PDE11A: variants seen among roughly 807,000 people sequenced by gnomAD.
PDE11A encodes the protein phosphodiesterase 11A, also known as dual 3',5'-cyclic-AMP and -GMP phosphodiesterase 11A.
PDE11A carries 100 observed loss-of-function variants against 100.5 expected under a neutral mutation model. The observed-to-expected ratio is 1.00, with a 90% CI of 0.85 to 1.18. PDE11A has a LOEUF of 1.18. Ranked by LOEUF, PDE11A falls within the 50% of genes most tolerant of loss-of-function variation. PDE11A has a pLI of 0.00. For missense variants in PDE11A, 1,141 were observed against 1,152.6 expected (o/e 0.99, Z 0.15); for synonymous variants, 381 against 420.8 (o/e 0.91, Z 1.16).
At position 178,048,520 on chromosome 2, in the gene PDE11A, G is replaced by A. The variant is rs111779246; in HGVS notation, c.912+23006C>T. ...TCCTTGGTCCTCCTCAGAAAGGTAG[G>A]GTGAGTTATCTGATGAGGGAATTAG... On this transcript the variant is annotated intron_variant, in intron 1 of 19. Coordinates refer to ENST00000286063, the MANE Select transcript of PDE11A (RefSeq NM_016953.4). 1.1e-3 allele frequency among the ~76,000 whole-genome samples: 164 copies of A among 152,174 alleles called. 2 individuals carry two copies. The highest frequency in any genetic ancestry group is 3.6e-3 in the African/African-American group (151 of 41,522).
chr2:178,049,468 G>A (rs1368711243), intron 1 of PDE11A, among the ~76,000 whole-genome samples: 19 of 152,190 alleles, frequency 1.2e-4, no homozygotes, highest in South Asian at 2.1e-4. Context: ...CTGAGGTACC[G>A]GGTTCATCTC....
At chr2:177,843,537 CACTT>C (rs949314514) in intron 5 of PDE11A, among the ~76,000 whole-genome samples, 4 of 152,172 alleles carry the variant, frequency 2.6e-5, no homozygotes, top group Non-Finnish European at 5.9e-5. Flanking sequence ...ATGACAAAAA[CACTT>C]ACTGAGCAGG....
At chr2:177,676,748 C>T (rs2080782035) in intron 16 of PDE11A, among the ~76,000 whole-genome samples, 1 of 152,232 alleles carries the variant, frequency 6.6e-6, no homozygotes, top group Admixed American at 6.5e-5. Flanking sequence ...GGCATTTCTA[C>T]ACTGCTTACT....
intron 19 of PDE11A, among the ~76,000 whole-genome samples, chr2:177,642,508 C>T (rs780712512): frequency 1.3e-5 from 2 of 152,322 alleles, no homozygotes; most frequent in Non-Finnish European, 2.9e-5. Context: ...TGTTTAAGGA[C>T]ATGGTCATTT....
intron 9 of PDE11A, among the ~76,000 whole-genome samples, chr2:177,804,160 G>C (rs1314955989): frequency 1.3e-5 from 2 of 151,688 alleles, no homozygotes; most frequent in African/African-American, 4.8e-5. Context: ...AATCAACAAA[G>C]TAAACAAACA....
At chr2:177,989,509 G>A (rs762406766) in intron 2 of PDE11A, among the ~76,000 whole-genome samples, 9 of 152,186 alleles carry the variant, frequency 5.9e-5, no homozygotes, top group Non-Finnish European at 1.2e-4. Flanking sequence ...ACACAGTGGG[G>A]AAATGACTCC....
At chr2:178,041,820 G>A (rs368779355) in intron 1 of PDE11A, among the ~76,000 whole-genome samples, 7 of 152,098 alleles carry the variant, frequency 4.6e-5, no homozygotes, top group African/African-American at 1.4e-4. Flanking sequence ...TTTACTCCTC[G>A]AAAAGACAAT....
At chr2:177,727,325 T>G (rs2081614656) in intron 12 of PDE11A, among the ~76,000 whole-genome samples, 1 of 152,146 alleles carries the variant, frequency 6.6e-6, no homozygotes, top group African/African-American at 2.4e-5. Flanking sequence ...CAGTGATCTC[T>G]TTGTTCTGTT....
chr2:178,024,277 T>C (rs2086450479), intron 1 of PDE11A, among the ~76,000 whole-genome samples: 1 of 152,068 alleles, frequency 6.6e-6, no homozygotes, highest in Non-Finnish European at 1.5e-5. Flanking sequence ...CCGGGCATAG[T>C]GGTGCACACC....
intron 2 of PDE11A, among the ~76,000 whole-genome samples, chr2:177,924,112 T>A (rs756106166): frequency 2.0e-5 from 3 of 152,194 alleles, no homozygotes; most frequent in Non-Finnish European, 4.4e-5. Context: ...TAAAGAAACA[T>A]CTGTAGATTT....
intron 5 of PDE11A, among the ~76,000 whole-genome samples, chr2:177,863,453 A>T (rs1458326124): frequency 2.0e-5 from 3 of 152,072 alleles, no homozygotes; most frequent in African/African-American, 4.8e-5. Flanking sequence ...TTAACCATTC[A>T]AAATTTATAA....
intron 4 of PDE11A, among the ~76,000 whole-genome samples, chr2:177,877,959 G>A (rs889601913): frequency 1.3e-4 from 20 of 151,892 alleles, no homozygotes; most frequent in African/African-American, 4.8e-4. Context: ...GAATTGATGA[G>A]CACCTGAGAA....
chr2:177,919,101 C>CTTTT (rs752351240), intron 2 of PDE11A, among the ~76,000 whole-genome samples: 8 of 148,810 alleles, frequency 5.4e-5, no homozygotes, highest in Non-Finnish European at 7.5e-5. Context: ...GAAGATTTAA[C>CTTTT]ATTTTTTTTT....
intron 10 of PDE11A, 102 bp from the exon 11 acceptor site, chr2:177,728,274 C>T: frequency 1.0e-6 from 1 of 992,208 alleles, no homozygotes; most frequent in Non-Finnish European, 1.6e-6. Flanking sequence ...ATAAATCAGG[C>T]CTGACCTGCA....
chr2:178,079,171 G>A (rs1032166536), intron 2 of PDE11A, among the ~76,000 whole-genome samples: 4 of 152,136 alleles, frequency 2.6e-5, no homozygotes, highest in African/African-American at 9.7e-5. Flanking sequence ...TTTAAGTTCT[G>A]GGGCACATGT....
At chr2:177,940,707 A>C (rs983862419) in intron 2 of PDE11A, among the ~76,000 whole-genome samples, 1 of 152,234 alleles carries the variant, frequency 6.6e-6, no homozygotes, top group African/African-American at 2.4e-5. Flanking sequence ...GTCATGGGAT[A>C]AGGGCTCTGT....
At chr2:177,643,903 CA>C (rs2080182620) in intron 19 of PDE11A, among the ~76,000 whole-genome samples, 1 of 152,232 alleles carries the variant, frequency 6.6e-6, no homozygotes, top group Admixed American at 6.5e-5. Flanking sequence ...GTGCAAGCCC[CA>C]AACCTTGGCA....
At chr2:178,012,511 G>T (rs1397150186) in intron 2 of PDE11A, among the ~76,000 whole-genome samples, 1 of 152,200 alleles carries the variant, frequency 6.6e-6, no homozygotes, top group Non-Finnish European at 1.5e-5. Flanking sequence ...TCAGAGGTAA[G>T]TGTGAGCTGT....
intron 9 of PDE11A, among the ~76,000 whole-genome samples, chr2:177,789,416 AC>A (rs1414949377): frequency 2.0e-5 from 3 of 151,854 alleles, no homozygotes; most frequent in Non-Finnish European, 4.4e-5. Flanking sequence ...TCTATGACAA[AC>A]CCACAGCCAA....
Sources: gnomAD v4.1 joint callset for allele counts (sites outside exome capture counted in the v4.1 genomes callset) on GRCh38, gnomAD v4.1.1 for gene constraint, MANE v1.5 for transcripts, NCBI Gene and HGNC (gene_info 2026-07-23, HGNC 2026-07-21) for gene names.